KCNH6: variants seen among roughly 807,000 people sequenced by gnomAD.
KCNH6 encodes voltage-gated inwardly rectifying potassium channel KCNH6.
KCNH6 carries 81 observed loss-of-function variants against 83.4 expected under a neutral mutation model. That is an observed-to-expected ratio of 0.97 (90% CI 0.81 to 1.17). The LOEUF (loss-of-function observed/expected upper bound fraction) is 1.17, where lower values mean the gene tolerates loss of function less well. Ranked by LOEUF, KCNH6 falls within the 50% of genes most tolerant of loss-of-function variation. The probability of loss-of-function intolerance (pLI) is 0.00; values close to 1 mark genes in which losing one functional copy is unlikely to be tolerated. For missense variants in KCNH6, 1,203 were observed against 1,290.5 expected (o/e 0.93, Z 1.04); for synonymous variants, 503 against 545.6 (o/e 0.92, Z 1.09).
intron 4 of KCNH6, 93 bp downstream of exon 4, chr17:63,530,635 C>A: frequency 9.0e-7 from 1 of 1,116,236 alleles, no homozygotes; most frequent in Non-Finnish European, 1.3e-6. Flanking sequence ...GGGCCTTGGC[C>A]GATAAAGAGA....
At chr17:63,541,521 G>A (rs1468778954) in intron 8 of KCNH6, among the ~76,000 whole-genome samples, 3 of 148,514 alleles carry the variant, frequency 2.0e-5, no homozygotes, top group Admixed American at 6.6e-5. Flanking sequence ...GTCTCGAACC[G>A]ACCTCAAATA....
intron 11 of KCNH6, among the ~76,000 whole-genome samples, 178 bp downstream of exon 11, chr17:63,544,589 C>T (rs534263683): frequency 6.6e-6 from 1 of 152,200 alleles, no homozygotes; most frequent in African/African-American, 2.4e-5. Context: ...AACTCTGGAA[C>T]ATGCCAAGGG....
At position 63,538,784 on chromosome 17, in the gene KCNH6, T is replaced by G. The variant is rs2032695927; in HGVS notation, c.1954+122T>G. 9.7e-7 allele frequency: 1 copy of G among 1,026,998 alleles called. No individual in the cohort carries two copies. The allele number at this position is 1,026,998 out of a possible 1,614,324, so 63.6% of individuals were successfully genotyped here. A position where few individuals can be genotyped will look rare whatever the true frequency, so the allele number is the denominator to read the frequency against. On this transcript the variant is annotated intron_variant, in intron 8 of 12. Coordinates refer to ENST00000314672, the MANE Select transcript of KCNH6 (RefSeq NM_001278919.2). The surrounding 1 kb of genome is among the most constrained non-coding windows in gnomAD (Gnocchi z 4.0). The stretch of plus-strand genomic sequence containing the variant: ...GATTTTACTTTTACTGGCAGCCACT[T>G]GCACAGCATGTGCCCGGGAGAGCTT...
rs993591799 is a variant in KCNH6, at chr17:63,546,126, G to A, written c.*224G>A. On this transcript the variant is annotated 3_prime_UTR_variant, in exon 13 of 13. Coordinates refer to ENST00000314672, the MANE Select transcript of KCNH6 (RefSeq NM_001278919.2). ...GTGGTGGCAGGCGCCTGTAATCCCA[G>A]CTACTGGGGAGGCTGAGGCAGGAGA... 3.4e-5 allele frequency: 16 copies of A among 475,984 alleles called. No individual in the cohort carries two copies. Among genetic ancestry groups the A allele is most frequent in the Non-Finnish European group, 4.5e-5 (12 of 264,710 alleles). The allele number at this position is 475,984 out of a possible 1,614,324, so 29.5% of individuals were successfully genotyped here. A position where few individuals can be genotyped will look rare whatever the true frequency, so the allele number is the denominator to read the frequency against.
At position 63,545,922 on chromosome 17, in the gene KCNH6, A is replaced by T; in HGVS notation, c.*20A>T. On this transcript the variant is annotated 3_prime_UTR_variant, in exon 13 of 13. Transcript: ENST00000314672. ...CACTGAACTCCAAGATAAAGACACC[A>T]TGAGGGGACTGAAGGTGGGCAAGGT... The T allele has an allele frequency of 6.2e-7, 1 of 1,608,970 alleles. No individual in the cohort carries two copies. Among genetic ancestry groups the T allele is most frequent in the Non-Finnish European group, 8.5e-7 (1 of 1,176,622 alleles).
At position 63,543,692 on chromosome 17, in the gene KCNH6, C is replaced by T. The variant is rs193054232; in HGVS notation, c.2233+32C>T. On this transcript the variant is annotated intron_variant, in intron 10 of 12. Transcript: ENST00000314672. ...AAAGCCAGCCCCCACCCCCACCAGC[C>T]TGTAGCCCCTGCCCAGCCTCCTACC... is the stretch of plus-strand genomic sequence containing the variant. 587 of 1,348,442 alleles carry T rather than the reference C, an allele frequency of 4.4e-4. 3 individuals carry two copies. The African/African-American group carries it at 7.6e-3, about 17-fold the overall frequency. The allele number at this position is 1,348,442 out of a possible 1,614,324, so 83.5% of individuals were successfully genotyped here.
rs376477979 is a variant in KCNH6 at position 63,538,418 on chromosome 17, G to C, written c.1710G>C (p.Lys570Asn). The change falls in exon 8 of 13, where the codon AAG becomes AAC. Residue 570 changes from lysine (K) to asparagine (N), a missense_variant. By Grantham distance (94) the Lys-to-Asn change is moderately conservative. Transcript: ENST00000314672. This position sits in a 1 kb window ranked among gnomAD's most constrained non-coding sequence, Gnocchi z 4.0. ...TNGIDMNAVLKGFPECLQADI... is the reference protein window; with the variant it reads ...TNGIDMNAVLNGFPECLQADI... The stretch of plus-strand genomic sequence containing the variant: ...GGCCGCCCGCCTTGCAGGTGCTGAA[G>C]GGCTTCCCCGAGTGCCTGCAGGCTG... 6.9e-6 allele frequency: 11 copies of C among 1,598,228 alleles called. No individual in the cohort carries two copies. The African/African-American group carries it at 1.2e-4, about 18-fold the overall frequency.
In KCNH6 at chr17:63,535,920, C is replaced by T. The variant is rs1204023246; in HGVS notation, c.1353C>T (p.Ser451=). The T allele has an allele frequency of 9.9e-6, 16 of 1,613,992 alleles. No homozygotes were observed. The highest frequency in any genetic ancestry group is 1.4e-5 in the Non-Finnish European group (16 of 1,180,052). Reference sequence around the variant, plus strand: ...AGCTTGGCAAGCGCTACAACGGCAGCGACCCAGCCTCGGGCCCCTCGGTGC... The same window carrying T: ...AGCTTGGCAAGCGCTACAACGGCAGTGACCCAGCCTCGGGCCCCTCGGTGC... ...GVQLGKRYNG[S]DPASGPSVQD... Residue 451 remains serine, a synonymous_variant, in exon 6 of 13, where the codon AGC becomes AGT. Coordinates refer to ENST00000314672, the MANE Select transcript of KCNH6 (RefSeq NM_001278919.2). The surrounding 1 kb of genome is among the most constrained non-coding windows in gnomAD (Gnocchi z 4.9).
At chr17:63,529,945 C>T in intron 2 of KCNH6, 146 bp from the exon 3 acceptor site, 2 of 831,380 alleles carry the variant, frequency 2.4e-6, no homozygotes, top group Non-Finnish European at 3.7e-6. Context: ...CACCCACCCT[C>T]TGCCCAGTAT....
At chr17:63,532,066 G>A (rs2032154579) in intron 4 of KCNH6, among the ~76,000 whole-genome samples, 1 of 152,222 alleles carries the variant, frequency 6.6e-6, no homozygotes, top group African/African-American at 2.4e-5. Flanking sequence ...CACTGGGCAG[G>A]GTGGGCTTTG....
chr17:63,542,871 G>A (rs1164048591), intron 9 of KCNH6, among the ~76,000 whole-genome samples: 3 of 152,210 alleles, frequency 2.0e-5, no homozygotes, highest in African/African-American at 7.2e-5. Flanking sequence ...CCAGACACAG[G>A]GGCTGCCAAG....
chr17:63,545,965 G>C lies in KCNH6; in HGVS notation c.*63G>C. The C allele has an allele frequency of 1.3e-6, 2 of 1,535,536 alleles. No individual in the cohort carries two copies. Among genetic ancestry groups the C allele is most frequent in the East Asian group, 4.5e-5 (2 of 44,250 alleles). ...GGCAAGGTGAGAGTTAAGGATCTTG[G>C]GGAGGTGGCCGGGTGCAGTGGCTCG... On this transcript the variant is annotated 3_prime_UTR_variant, in exon 13 of 13. Transcript: ENST00000314672.
At chr17:63,545,024 C>T in intron 11 of KCNH6, 54 bp from the exon 12 acceptor site, 2 of 1,569,198 alleles carry the variant, frequency 1.3e-6, no homozygotes, top group Non-Finnish European at 1.7e-6. Flanking sequence ...GACAGCTGCC[C>T]TCAGGAACTA....
chr17:63,527,679 G>A lies in KCNH6; in HGVS notation c.308-2412G>A, dbSNP rs546427497. Reference sequence around the variant, plus strand: ...CCTCCAGGGCCCTGGTGAGGGCACAGGAACACCATCCCTCCTGGGCATAAC... The same window carrying A: ...CCTCCAGGGCCCTGGTGAGGGCACAAGAACACCATCCCTCCTGGGCATAAC... On this transcript the variant is annotated intron_variant, in intron 2 of 12. Transcript: ENST00000314672. 2.6e-5 allele frequency among the ~76,000 whole-genome samples: 4 copies of A among 152,318 alleles called. No homozygotes were observed. In the East Asian group the frequency reaches 7.7e-4, roughly 29 times the overall value.
intron 4 of KCNH6, among the ~76,000 whole-genome samples, chr17:63,532,852 A>G (rs1411943830): frequency 1.3e-5 from 2 of 152,158 alleles, no homozygotes; most frequent in Admixed American, 1.3e-4. Context: ...AGGAGGGTGG[A>G]CAGGGAATTA....
chr17:63,542,526 C>A, intron 9 of KCNH6, 92 bp downstream of exon 9: 1 of 1,082,262 alleles, frequency 9.2e-7, no homozygotes, highest in Non-Finnish European at 1.4e-6. Context: ...CCCTTCCTTT[C>A]AACCCCATCC....
rs1358952195 is a variant in KCNH6 at position 63,535,473 on chromosome 17, A to C, written c.1102-196A>C. 6.6e-6 allele frequency among the ~76,000 whole-genome samples: 1 copy of C among 152,184 alleles called. No individual in the cohort carries two copies. On this transcript the variant is annotated intron_variant, in intron 5 of 12. Coordinates refer to ENST00000314672, the MANE Select transcript of KCNH6 (RefSeq NM_001278919.2). The surrounding 1 kb of genome is among the most constrained non-coding windows in gnomAD (Gnocchi z 4.9). ...GGACTTCTGTCCTAGCAACCAGAAC[A>C]CTATTCTGAGCTTTAGGCTGAGATC...
In KCNH6 at chr17:63,524,349, T is replaced by A. The variant is rs1303951935; in HGVS notation, c.287T>A (p.Ile96Asn). 3 of 1,613,492 alleles carry A rather than the reference T, an allele frequency of 1.9e-6. No homozygotes were observed. The highest frequency in any genetic ancestry group is 2.7e-5 in the African/African-American group (2 of 74,920). Residue 96 changes from isoleucine to asparagine, a missense_variant, in exon 2 of 13, where the codon ATC becomes AAC. Coordinates refer to ENST00000314672, the MANE Select transcript of KCNH6 (RefSeq NM_001278919.2). Reference sequence around the variant, plus strand: ...GGGGCTGAGGAGTGCAAGGTGGACATCCTCTACTACCGCAAGGATGGTGAG... The same window carrying A: ...GGGGCTGAGGAGTGCAAGGTGGACAACCTCTACTACCGCAAGGATGGTGAG... ...LLGAEECKVD[I>N]LYYRKDASSF... is the part of the protein sequence containing the mutation.
Position 63,534,374 on chromosome 17 carries a change from C to T in KCNH6, c.1101+63C>T. 5.4e-6 allele frequency: 8 copies of T among 1,474,104 alleles called. No individual in the cohort carries two copies. Among genetic ancestry groups the T allele is most frequent in the Admixed American group, 3.7e-5 (2 of 54,260 alleles). 91.3% of individuals were successfully genotyped at this position (1,474,104 alleles called of 1,614,324 possible). ...CCTCTGCACGCTGGCCTCAAGCCCTCCCTGCTGCACAGCACTGGGTGCGGA... is the reference window on the plus strand; with the variant it reads ...CCTCTGCACGCTGGCCTCAAGCCCTTCCTGCTGCACAGCACTGGGTGCGGA... On this transcript the variant is annotated intron_variant, in intron 5 of 12. Transcript: ENST00000314672. This position sits in a 1 kb window ranked among gnomAD's most constrained non-coding sequence, Gnocchi z 5.0.
Sources: allele counts gnomAD v4.1 joint callset (sites outside exome capture counted in the v4.1 genomes callset), GRCh38; gene constraint gnomAD v4.1.1; non-coding constraint Gnocchi (gnomAD v3.1); transcripts MANE v1.5; gene names NCBI Gene and HGNC (gene_info 2026-07-23, HGNC 2026-07-21).